ADAMTS18: variants seen among roughly 807,000 people sequenced by gnomAD.
ADAMTS18 encodes ADAM metallopeptidase with thrombospondin type 1 motif 18.
ADAMTS18 carries 157 observed loss-of-function variants against 165.9 expected under a neutral mutation model. The ratio of observed to expected loss-of-function variants is 0.95; its 90% CI spans 0.83 to 1.08. ADAMTS18 has a LOEUF of 1.08. Among genes scored for constraint, ADAMTS18 ranks in the 50% least tolerant of loss-of-function variants. The probability of loss-of-function intolerance (pLI) is 0.00; values close to 1 mark genes in which losing one functional copy is unlikely to be tolerated. For synonymous variants in ADAMTS18, 782 were observed against 578.2 expected (o/e 1.35, Z -5.06); for missense variants, 2,040 against 1,534.0 (o/e 1.33, Z -5.51).
intron 3 of ADAMTS18, among the ~76,000 whole-genome samples, chr16:77,370,850 G>A (rs1215845238): frequency 6.6e-6 from 1 of 151,844 alleles, no homozygotes. Context: ...AGGAGGTGAA[G>A]ATCTCTACAA....
chr16:77,313,391 T>C (rs1170042547), intron 16 of ADAMTS18, among the ~76,000 whole-genome samples: 2 of 151,770 alleles, frequency 1.3e-5, no homozygotes, highest in Admixed American at 6.6e-5. Context: ...CATGTATACA[T>C]ATGTAACAAA....
intron 13 of ADAMTS18, among the ~76,000 whole-genome samples, chr16:77,325,493 T>C (rs1030295088): frequency 1.3e-5 from 2 of 152,024 alleles, no homozygotes; most frequent in African/African-American, 4.8e-5. Context: ...CTGTGTACGG[T>C]GCCTCTATGG....
intron 3 of ADAMTS18, among the ~76,000 whole-genome samples, chr16:77,429,590 TA>T (rs573551238): frequency 1.9e-4 from 29 of 151,396 alleles, no homozygotes; most frequent in East Asian, 3.9e-4. Flanking sequence ...CTAAAAGTTT[TA>T]AAAAAAAATG....
chr16:77,420,462 G>C (rs1171824869), intron 3 of ADAMTS18, among the ~76,000 whole-genome samples: 1 of 152,122 alleles, frequency 6.6e-6, no homozygotes, highest in African/African-American at 2.4e-5. Flanking sequence ...ATTGTTCTGG[G>C]GTGAGACCTG....
intron 16 of ADAMTS18, among the ~76,000 whole-genome samples, chr16:77,302,582 C>T (rs17769870): frequency 0.11 from 16,018 of 152,174 alleles, 1,164 homozygotes; most frequent in Admixed American, 0.22. Context: ...ACTGCACTTT[C>T]TAGTATCACC....
At chr16:77,286,806 C>A (rs2055260760) in intron 22 of ADAMTS18, among the ~76,000 whole-genome samples, 1 of 152,108 alleles carries the variant, frequency 6.6e-6, no homozygotes, top group African/African-American at 2.4e-5. Flanking sequence ...AGTTTCAATG[C>A]AGTGTGACAC....
At chr16:77,404,564 C>T (rs76107332) in intron 3 of ADAMTS18, among the ~76,000 whole-genome samples, 2,153 of 152,244 alleles carry the variant, frequency 0.014, 49 homozygotes, top group African/African-American at 0.048. Context: ...TAAGAGCAAA[C>T]ATAATTTGAC....
chr16:77,425,044 G>A (rs1036585070), intron 3 of ADAMTS18, among the ~76,000 whole-genome samples: 1 of 152,164 alleles, frequency 6.6e-6, no homozygotes. Flanking sequence ...TGAGCTTTCT[G>A]AGTCATAAAA....
intron 3 of ADAMTS18, among the ~76,000 whole-genome samples, chr16:77,430,176 A>AT (rs71137818): frequency 6.7e-6 from 1 of 149,652 alleles, no homozygotes; most frequent in African/African-American, 2.4e-5. Context: ...AAACAAACAA[A>AT]AAAACAAGAT....
intron 20 of ADAMTS18, among the ~76,000 whole-genome samples, chr16:77,292,547 A>G (rs1008513253): frequency 6.6e-6 from 1 of 152,144 alleles, no homozygotes; most frequent in East Asian, 1.9e-4. Context: ...CTTCCCAAAG[A>G]CCGGCTTGGG....
intron 3 of ADAMTS18, among the ~76,000 whole-genome samples, chr16:77,396,972 A>C (rs1457649036): frequency 2.6e-5 from 4 of 151,944 alleles, no homozygotes; most frequent in African/African-American, 9.7e-5. Context: ...ACGCCTGGCT[A>C]ATTTTTTTGT....
intron 3 of ADAMTS18, among the ~76,000 whole-genome samples, chr16:77,422,567 A>G (rs1399439361): frequency 6.7e-6 from 1 of 150,364 alleles, no homozygotes; most frequent in African/African-American, 2.5e-5. Flanking sequence ...GAAGGGAGGG[A>G]GAAAGAAAGG....
At chr16:77,331,336 T>A (rs914117352) in intron 12 of ADAMTS18, among the ~76,000 whole-genome samples, 2 of 152,152 alleles carry the variant, frequency 1.3e-5, no homozygotes, top group Admixed American at 6.5e-5. Context: ...TTGTAATGGA[T>A]GAAAACCAGA....
intron 4 of ADAMTS18, 51 bp from the exon 5 acceptor site, chr16:77,364,432 A>G (rs2144737457): frequency 3.8e-6 from 6 of 1,579,696 alleles, no homozygotes; most frequent in Non-Finnish European, 5.2e-6. Flanking sequence ...ATATCTGGAT[A>G]AGACAGTTGA....
At chr16:77,364,055 T>C (rs1454224014) in intron 5 of ADAMTS18, 133 bp downstream of exon 5, 7 of 1,294,464 alleles carry the variant, frequency 5.4e-6, no homozygotes, top group African/African-American at 4.4e-5. Context: ...CATATGTAGC[T>C]ATTAAAAGTA....
At chr16:77,390,686 T>A (rs1291589681) in intron 3 of ADAMTS18, among the ~76,000 whole-genome samples, 1 of 142,400 alleles carries the variant, frequency 7.0e-6, no homozygotes, top group Non-Finnish European at 1.6e-5. Context: ...CAAGACTCCA[T>A]CTCAAAAAAA....
At chr16:77,417,514 A>C (rs1453778101) in intron 3 of ADAMTS18, among the ~76,000 whole-genome samples, 2 of 152,232 alleles carry the variant, frequency 1.3e-5, no homozygotes, top group Non-Finnish European at 2.9e-5. Flanking sequence ...TATTCAACGA[A>C]GGGACGGCAG....
intron 3 of ADAMTS18, among the ~76,000 whole-genome samples, chr16:77,374,271 A>C (rs1461068077): frequency 6.6e-6 from 1 of 151,982 alleles, no homozygotes; most frequent in East Asian, 1.9e-4. Flanking sequence ...TTCAGAGTGG[A>C]GGTGATGCTG....
intron 3 of ADAMTS18, among the ~76,000 whole-genome samples, chr16:77,405,574 A>G (rs920948856): frequency 1.3e-5 from 2 of 152,200 alleles, no homozygotes; most frequent in Non-Finnish European, 2.9e-5. Flanking sequence ...AATAGATGGG[A>G]GATCTTGAGT....
Sources: gnomAD v4.1 joint callset for allele counts (sites outside exome capture counted in the v4.1 genomes callset) on GRCh38, gnomAD v4.1.1 for gene constraint, MANE v1.5 for transcripts, NCBI Gene and HGNC (gene_info 2026-07-23, HGNC 2026-07-21) for gene names.